KAZN: variants seen among roughly 807,000 people sequenced by gnomAD.
KAZN encodes the protein kazrin.
In KAZN, 40 loss-of-function variants were observed where a neutral mutation model predicts 87.4. The ratio of observed to expected loss-of-function variants is 0.46; its 90% CI spans 0.36 to 0.60. The LOEUF (loss-of-function observed/expected upper bound fraction) is 0.60, where lower values mean the gene tolerates loss of function less well. Among genes scored for constraint, KAZN ranks in the 20% least tolerant of loss-of-function variants. The pLI is 0.00. For missense variants in KAZN, 898 were observed against 1,073.9 expected (o/e 0.84, Z 2.29); for synonymous variants, 466 against 458.3 (o/e 1.02, Z -0.22).
chr1:14,432,460 G>T lies in KAZN; in HGVS notation c.250-166523G>T, dbSNP rs541948189. Among the ~76,000 whole-genome samples the T allele has an allele frequency of 2.0e-5, 3 of 152,288 alleles. No homozygotes were observed. The South Asian group carries it at 6.2e-4, about 32-fold the overall frequency. ...GCAACACTGGCACGGTTTCCCTTTG[G>T]CAGACAGATATATGGGGTTCCCACT... On this transcript the variant is annotated intron_variant, in intron 2 of 16. Transcript: ENST00000636203.
intron 1 of KAZN, among the ~76,000 whole-genome samples, chr1:14,109,815 A>ATTTTTTT (rs1553129363): frequency 1.1e-4 from 9 of 80,004 alleles, no homozygotes; most frequent in South Asian, 8.3e-4. Context: ...TATCAAAACG[A>ATTTTTTT]TTTCAGCGTC....
intron 2 of KAZN, among the ~76,000 whole-genome samples, chr1:14,525,121 T>A (rs1671794136): frequency 6.6e-6 from 1 of 152,228 alleles, no homozygotes; most frequent in Non-Finnish European, 1.5e-5. Context: ...GGTTGTCCCA[T>A]GTATATGTAT....
chr1:13,904,183 C>T (rs767480075), intron 1 of KAZN, among the ~76,000 whole-genome samples: 5 of 152,148 alleles, frequency 3.3e-5, no homozygotes, highest in Admixed American at 6.5e-5. Context: ...GGCAGAAGGC[C>T]GGGCGAGGAG....
At chr1:15,039,107 C>G (rs1290125461) in intron 3 of KAZN, among the ~76,000 whole-genome samples, 1 of 152,034 alleles carries the variant, frequency 6.6e-6, no homozygotes, top group Non-Finnish European at 1.5e-5. Context: ...TGTATACAGA[C>G]ATGAATGTGA....
rs527305605 is a variant in KAZN at position 14,709,689 on chromosome 1, A to G, written c.226+110466A>G. ...AGAGGCCACTGCTCCAGGATACAGTATGAAGAGTGGGCGTAGTTGAGGGAT... is the reference window on the plus strand; with the variant it reads ...AGAGGCCACTGCTCCAGGATACAGTGTGAAGAGTGGGCGTAGTTGAGGGAT... On this transcript the variant is annotated intron_variant, in intron 1 of 14. Coordinates refer to ENST00000376030, the MANE Select transcript of KAZN (RefSeq NM_201628.3). Among the ~76,000 whole-genome samples the G allele has an allele frequency of 1.3e-3, 193 of 152,270 alleles. 2 individuals are homozygous for G. The highest frequency in any genetic ancestry group is 2.2e-3 in the Non-Finnish European group (148 of 68,020).
chr1:14,669,763 A>C (rs1190056680), intron 1 of KAZN, among the ~76,000 whole-genome samples: 1 of 152,258 alleles, frequency 6.6e-6, no homozygotes, highest in East Asian at 1.9e-4. Flanking sequence ...ACAAACAAAC[A>C]AAAAACAAAT....
intron 1 of KAZN, among the ~76,000 whole-genome samples, chr1:14,937,775 G>A (rs1156441183): frequency 1.3e-5 from 2 of 152,248 alleles, no homozygotes; most frequent in Non-Finnish European, 2.9e-5. Context: ...AGTCTTCCCA[G>A]TGGGAGTCTG....
At chr1:14,106,052 G>A (rs994884279) in intron 1 of KAZN, among the ~76,000 whole-genome samples, 1 of 152,160 alleles carries the variant, frequency 6.6e-6, no homozygotes, top group Non-Finnish European at 1.5e-5. Context: ...AACAATAACA[G>A]TAACAACAAC....
At chr1:14,824,425 T>C (rs192502563) in intron 1 of KAZN, among the ~76,000 whole-genome samples, 36 of 152,272 alleles carry the variant, frequency 2.4e-4, no homozygotes, top group African/African-American at 8.4e-4. Context: ...TGATAACCAA[T>C]TATGATGTGT....
intron 1 of KAZN, among the ~76,000 whole-genome samples, chr1:14,137,894 A>C (rs1459684283): frequency 6.6e-6 from 1 of 151,930 alleles, no homozygotes; most frequent in African/African-American, 2.4e-5. Context: ...ATCTTTGATT[A>C]GGCCTATCAG....
chr1:15,050,172 A>G (rs973629245), intron 4 of KAZN, among the ~76,000 whole-genome samples: 2 of 116,592 alleles, frequency 1.7e-5, no homozygotes, highest in Non-Finnish European at 3.7e-5. Context: ...ATAGAATAGA[A>G]TAGAATAGAA....
At chr1:14,677,300 CTT>C (rs1216227426) in intron 1 of KAZN, among the ~76,000 whole-genome samples, 1 of 152,174 alleles carries the variant, frequency 6.6e-6, no homozygotes, top group Non-Finnish European at 1.5e-5. Context: ...AATGATATAA[CTT>C]ATTTTTTGGA....
chr1:14,896,041 C>CTTTTTTTTTTTTTTTTT lies in KAZN; in HGVS notation c.227-64628_227-64612dup, dbSNP rs201188620. Reference sequence around the variant, plus strand: ...CAGTAAGTACAAATGAAAAAGACGCCTTTTTTTTTTTTTTTTTTTTTTTTT... The same window carrying CTTTTTTTTTTTTTTTTT: ...CAGTAAGTACAAATGAAAAAGACGCCTTTTTTTTTTTTTTTTTTTTTTTTTTTTTTTTTTTTTTTTTT... On this transcript the variant is annotated intron_variant, in intron 1 of 14. Transcript: ENST00000376030. Among the ~76,000 whole-genome samples the CTTTTTTTTTTTTTTTTT allele has an allele frequency of 1.1e-4, 16 of 140,712 alleles. 1 individual carries two copies. The highest frequency in any genetic ancestry group is 4.4e-4 in the African/African-American group (16 of 36,184). The allele number at this position is 140,712 out of a possible 152,430, so 92.3% of individuals were successfully genotyped here.
chr1:14,420,598 G>A (rs1348057110), intron 2 of KAZN, among the ~76,000 whole-genome samples: 2 of 152,214 alleles, frequency 1.3e-5, no homozygotes, highest in Non-Finnish European at 2.9e-5. Context: ...GCCCACGGCA[G>A]GAGTGGGGAG....
At chr1:14,846,743 T>C (rs1262782335) in intron 1 of KAZN, among the ~76,000 whole-genome samples, 2 of 152,228 alleles carry the variant, frequency 1.3e-5, no homozygotes, top group Non-Finnish European at 2.9e-5. Context: ...ACCACAGTGA[T>C]CATAACTGTT....
intron 1 of KAZN, chr1:14,692,462 T>A: frequency 4.5e-6 from 1 of 222,286 alleles, no homozygotes; most frequent in Non-Finnish European, 8.8e-6. Context: ...ATATCATGAC[T>A]TTTCCCTTGC....
intron 2 of KAZN, among the ~76,000 whole-genome samples, chr1:14,485,186 A>G (rs1288964330): frequency 1.3e-5 from 2 of 152,214 alleles, no homozygotes; most frequent in Non-Finnish European, 2.9e-5. Flanking sequence ...AATCACCCAC[A>G]AGACAAGCAA....
chr1:14,960,288 G>T (rs1663683311), intron 1 of KAZN, among the ~76,000 whole-genome samples: 1 of 152,126 alleles, frequency 6.6e-6, no homozygotes, highest in African/African-American at 2.4e-5. Flanking sequence ...TATAAAATGG[G>T]GTTATGATGG....
chr1:14,890,389 C>T (rs1409969345), intron 1 of KAZN, among the ~76,000 whole-genome samples: 1 of 152,204 alleles, frequency 6.6e-6, no homozygotes. Context: ...GGGCACCAGT[C>T]CCCACCAGTG....
Sources: allele counts gnomAD v4.1 joint callset (sites outside exome capture counted in the v4.1 genomes callset), GRCh38; gene constraint gnomAD v4.1.1; transcripts MANE v1.5; gene names NCBI Gene and HGNC (gene_info 2026-07-23, HGNC 2026-07-21).